Variants in GRID1 observed in about 807,000 individuals in gnomAD.
GRID1 encodes the protein glutamate receptor ionotropic, delta-1.
GRID1 carries 28 observed loss-of-function variants against 98.0 expected under a neutral mutation model. The ratio of observed to expected loss-of-function variants is 0.29; its 90% CI spans 0.21 to 0.39. GRID1 has a LOEUF of 0.39. Ranked by LOEUF, GRID1 falls within the 10% of genes least tolerant of loss-of-function variation. GRID1 has a pLI of 1.00. For synonymous variants in GRID1, 553 were observed against 538.5 expected (o/e 1.03, Z -0.37); for missense variants, 1,111 against 1,340.5 (o/e 0.83, Z 2.67).
chr10:85,672,602 G>A (rs541452287), intron 12 of GRID1, among the ~76,000 whole-genome samples: 5 of 152,018 alleles, frequency 3.3e-5, no homozygotes, highest in East Asian at 1.9e-4. Context: ...CCCCACGCCC[G>A]GCCTCTGTGC....
At chr10:85,990,552 A>T (rs1433810966) in intron 4 of GRID1, among the ~76,000 whole-genome samples, 1 of 152,238 alleles carries the variant, frequency 6.6e-6, no homozygotes, top group Non-Finnish European at 1.5e-5. Context: ...TGCCCTTAAG[A>T]AAAACCACAA....
chr10:85,730,541 A>G (rs1841810958), intron 8 of GRID1, among the ~76,000 whole-genome samples: 1 of 152,022 alleles, frequency 6.6e-6, no homozygotes. Flanking sequence ...AATGTCGAGA[A>G]CCCCTGCTCT....
chr10:85,917,365 G>T (rs1466970339), intron 4 of GRID1, among the ~76,000 whole-genome samples: 1 of 151,770 alleles, frequency 6.6e-6, no homozygotes, highest in African/African-American at 2.4e-5. Context: ...AAAAAAATAT[G>T]CTGACATAGT....
intron 8 of GRID1, among the ~76,000 whole-genome samples, chr10:85,784,881 T>TC (rs2132731160): frequency 6.6e-6 from 1 of 152,330 alleles, no homozygotes; most frequent in South Asian, 2.1e-4. Flanking sequence ...TCCTTTTTTT[T>TC]CTCTGAGCAC....
intron 12 of GRID1, among the ~76,000 whole-genome samples, chr10:85,704,170 T>G (rs979571536): frequency 2.6e-5 from 4 of 152,142 alleles, no homozygotes; most frequent in Admixed American, 1.3e-4. Context: ...AGACACAGAC[T>G]GGCAAATTGG....
intron 4 of GRID1, among the ~76,000 whole-genome samples, chr10:86,130,993 C>T (rs556979862): frequency 2.6e-5 from 4 of 151,758 alleles, no homozygotes; most frequent in African/African-American, 7.3e-5. Flanking sequence ...CCCTATCACA[C>T]GTCCTGCGAG....
chr10:85,696,291 G>A (rs1260449028), intron 12 of GRID1, among the ~76,000 whole-genome samples: 1 of 151,862 alleles, frequency 6.6e-6, no homozygotes, highest in Non-Finnish European at 1.5e-5. Flanking sequence ...TAAAAGTATA[G>A]GGTCTATGAC....
chr10:85,772,832 T>G (rs1185259229), intron 8 of GRID1, among the ~76,000 whole-genome samples: 3 of 152,116 alleles, frequency 2.0e-5, no homozygotes, highest in Admixed American at 1.3e-4. Context: ...CAATAATCAA[T>G]AGCTTATCAA....
chr10:86,344,346 T>G (rs1003333224), intron 2 of GRID1, among the ~76,000 whole-genome samples: 6 of 152,232 alleles, frequency 3.9e-5, no homozygotes, highest in Non-Finnish European at 7.3e-5. Context: ...ATGCACTGAC[T>G]CGCACAGCCA....
chr10:85,760,689 G>A (rs764316772), intron 8 of GRID1, among the ~76,000 whole-genome samples: 2 of 152,096 alleles, frequency 1.3e-5, no homozygotes, highest in African/African-American at 2.4e-5. Flanking sequence ...TTTGCAACAC[G>A]TTCTATAGTG....
chr10:86,259,890 A>C (rs1846985932), intron 2 of GRID1, among the ~76,000 whole-genome samples: 1 of 152,266 alleles, frequency 6.6e-6, no homozygotes, highest in South Asian at 2.1e-4. Context: ...TCCTCCATTC[A>C]GTGGGAAGCA....
intron 6 of GRID1, among the ~76,000 whole-genome samples, chr10:85,866,382 G>C (rs1284439041): frequency 6.7e-6 from 1 of 148,342 alleles, no homozygotes; most frequent in Non-Finnish European, 1.5e-5. Flanking sequence ...CCACAGTAAT[G>C]ATGATAATAG....
rs1848094765 is a variant in GRID1 at position 86,328,840 on chromosome 10, C to T, written c.235+35101G>A. The stretch of plus-strand genomic sequence containing the variant: ...CTGTGAGACTCCCAGGACTTGGGGA[C>T]TCTGCATGAGGCCCTTTAGCTCTAA... On this transcript the variant is annotated intron_variant, in intron 2 of 15. Transcript: ENST00000327946. Among the ~76,000 whole-genome samples, 3 of 151,982 alleles carry T rather than the reference C, an allele frequency of 2.0e-5. No homozygotes were observed. The South Asian group carries it at 6.2e-4, about 32-fold the overall frequency.
chr10:86,275,179 C>T (rs955882702), intron 2 of GRID1, among the ~76,000 whole-genome samples: 32 of 151,992 alleles, frequency 2.1e-4, no homozygotes, highest in African/African-American at 7.7e-4. Context: ...CAAACACAGG[C>T]TAAAGGATCA....
chr10:86,299,622 A>G (rs1416648146), intron 2 of GRID1, among the ~76,000 whole-genome samples: 1 of 152,004 alleles, frequency 6.6e-6, no homozygotes, highest in Non-Finnish European at 1.5e-5. Context: ...CAATGACAAC[A>G]CTTGGACACA....
At chr10:85,910,660 G>C (rs371587241) in intron 5 of GRID1, among the ~76,000 whole-genome samples, 2 of 152,244 alleles carry the variant, frequency 1.3e-5, no homozygotes, top group African/African-American at 2.4e-5. Flanking sequence ...TTGGGTGGCA[G>C]ATGGGGGGTC....
At chr10:86,119,976 A>G (rs1374756339) in intron 4 of GRID1, among the ~76,000 whole-genome samples, 4 of 151,538 alleles carry the variant, frequency 2.6e-5, no homozygotes, top group Non-Finnish European at 2.9e-5. Context: ...TTCTTTTGGT[A>G]TATTTTAGAA....
At chr10:86,021,094 T>C (rs900996356) in intron 4 of GRID1, among the ~76,000 whole-genome samples, 1 of 152,064 alleles carries the variant, frequency 6.6e-6, no homozygotes, top group Non-Finnish European at 1.5e-5. Flanking sequence ...TAAAAGTGTC[T>C]GAGAGCCACT....
At chr10:85,748,960 T>G (rs1842022469) in intron 8 of GRID1, among the ~76,000 whole-genome samples, 1 of 152,188 alleles carries the variant, frequency 6.6e-6, no homozygotes, top group African/African-American at 2.4e-5. Flanking sequence ...TGATTTCACC[T>G]TGCACACAAA....
Sources: allele counts gnomAD v4.1 joint callset (sites outside exome capture counted in the v4.1 genomes callset), GRCh38; gene constraint gnomAD v4.1.1; transcripts MANE v1.5; gene names NCBI Gene and HGNC (gene_info 2026-07-23, HGNC 2026-07-21).